The following MGAT4A variants were observed in gnomAD, a reference collection of about 807,000 sequenced individuals.
MGAT4A encodes the protein N-acetylglucosaminyltransferase IVa.
MGAT4A carries 33 observed loss-of-function variants against 74.1 expected under a neutral mutation model. The observed-to-expected ratio is 0.45, with a 90% CI of 0.34 to 0.60. The LOEUF (loss-of-function observed/expected upper bound fraction) is 0.60, where lower values mean the gene tolerates loss of function less well. MGAT4A is among the 20% of genes least tolerant of loss of function. The pLI, the probability that MGAT4A is intolerant of heterozygous loss-of-function variation, is 0.02. For missense variants in MGAT4A, 479 were observed against 628.3 expected (o/e 0.76, Z 2.54); for synonymous variants, 198 against 210.4 (o/e 0.94, Z 0.51).
Position 98,645,460 on chromosome 2 carries a change from A to G in MGAT4A, c.857T>C (p.Met286Thr), listed in dbSNP as rs778891454. Residue 286 changes from methionine (M) to threonine (T), a missense_variant, in exon 9 of 16, where the codon ATG becomes ACG. Physicochemically the swap from Met to Thr is moderately conservative, Grantham distance 81. This residue lies in a region of MGAT4A where 236 missense variants were observed against 308.2 expected (regional missense o/e 0.77). Transcript: ENST00000393487. ...FALQLSSEEW[M>T]ILEFSQLGFI... is the part of the protein sequence containing the mutation. Reference sequence around the variant, plus strand: ...GCCCAGCTGGGAAAACTCTAGAATCATCCATTCCTCAGAAGAAAGTTGAAG... The same window carrying G: ...GCCCAGCTGGGAAAACTCTAGAATCGTCCATTCCTCAGAAGAAAGTTGAAG... The G allele has an allele frequency of 6.3e-7, 1 of 1,590,966 alleles. No homozygotes were observed. The highest frequency in any genetic ancestry group is 8.5e-7 in the Non-Finnish European group (1 of 1,174,758).
At chr2:98,689,956 T>C (rs1324473874) in intron 2 of MGAT4A, among the ~76,000 whole-genome samples, 11 of 151,498 alleles carry the variant, frequency 7.3e-5, no homozygotes, top group Admixed American at 6.6e-4. Flanking sequence ...GCCTCATATA[T>C]CCTAGAATGG....
intron 2 of MGAT4A, among the ~76,000 whole-genome samples, chr2:98,692,746 AG>A (rs1311480720): frequency 5.3e-5 from 8 of 152,222 alleles, no homozygotes; most frequent in African/African-American, 1.7e-4. Context: ...TTTGTAGCCT[AG>A]GAGCAGTACG....
At chr2:98,648,112 A>AGT (rs1323994458) in intron 8 of MGAT4A, among the ~76,000 whole-genome samples, 1 of 151,194 alleles carries the variant, frequency 6.6e-6, no homozygotes, top group African/African-American at 2.4e-5. Flanking sequence ...GAACTCACTG[A>AGT]GAGAATTCCA....
chr2:98,652,423 C>T (rs941203825), intron 8 of MGAT4A, among the ~76,000 whole-genome samples: 5 of 150,984 alleles, frequency 3.3e-5, no homozygotes, highest in South Asian at 2.1e-4. Flanking sequence ...CTCCACCTCC[C>T]GGGTTCACGC....
intron 10 of MGAT4A, among the ~76,000 whole-genome samples, chr2:98,641,531 G>C (rs1204135260): frequency 2.0e-5 from 3 of 150,848 alleles, no homozygotes; most frequent in Non-Finnish European, 4.4e-5. Flanking sequence ...AATTAGCCGG[G>C]CGTGGTGGCG....
In MGAT4A at chr2:98,635,235, G is replaced by A; in HGVS notation, c.1455C>T (p.Gly485=). The A allele has an allele frequency of 1.2e-6, 2 of 1,608,148 alleles. No homozygotes were observed. The highest frequency in any genetic ancestry group is 8.5e-7 in the Non-Finnish European group (1 of 1,176,532). ...AGTAGATATTACCTATTCTGAAATA[G>A]CCATCTTCTAATCGTTTGTCTTTGG... The part of the protein sequence containing the change: ...KETKDKRLED[G]YFRIGKFENG... The change falls in exon 14 of 16, where the codon GGC becomes GGT. Residue 485 remains glycine (G), a synonymous_variant. Transcript: ENST00000393487.
chr2:98,719,056 T>G (rs1702629736), intron 2 of MGAT4A, among the ~76,000 whole-genome samples: 1 of 152,154 alleles, frequency 6.6e-6, no homozygotes. Flanking sequence ...TGGAGAATTT[T>G]GGGCTTGTGG....
intron 14 of MGAT4A, among the ~76,000 whole-genome samples, chr2:98,632,380 G>C (rs1331716496): frequency 6.6e-6 from 1 of 152,150 alleles, no homozygotes; most frequent in Non-Finnish European, 1.5e-5. Flanking sequence ...GGTGGGTAAG[G>C]GAACTTTTCC....
rs1178581319 is a variant in MGAT4A at position 98,667,703 on chromosome 2, T to TTGTTGC, written c.404-4525_404-4524insGCAACA. On this transcript the variant is annotated intron_variant, in intron 4 of 15. Transcript: ENST00000393487. ...TGTTAAAGGCATTCAGTTTTTGTTG[T>TTGTTGC]TGTTGTTGTTGTTGTTGTTGTTGTT... Among the ~76,000 whole-genome samples the TTGTTGC allele has an allele frequency of 1.4e-3, 210 of 149,916 alleles. 1 individual carries two copies. Among genetic ancestry groups the TTGTTGC allele is most frequent in the African/African-American group, 4.8e-3 (199 of 41,074 alleles).
chr2:98,711,421 C>T (rs911410431), intron 2 of MGAT4A, among the ~76,000 whole-genome samples: 11 of 151,796 alleles, frequency 7.2e-5, no homozygotes, highest in African/African-American at 2.2e-4. Context: ...TTTTATTTTC[C>T]AGCTTGATGA....
intron 2 of MGAT4A, among the ~76,000 whole-genome samples, chr2:98,680,524 ATCTC>A (rs879694016): frequency 7.9e-5 from 12 of 152,320 alleles, no homozygotes; most frequent in South Asian, 2.1e-4. Flanking sequence ...AGAAAAAAAT[ATCTC>A]TCTGTCTTAA....
At chr2:98,681,344 A>G (rs182099271) in intron 2 of MGAT4A, among the ~76,000 whole-genome samples, 3 of 152,312 alleles carry the variant, frequency 2.0e-5, no homozygotes, top group Admixed American at 2.0e-4. Context: ...ATATTTATCT[A>G]GAAGAATTAA....
intron 2 of MGAT4A, 64 bp from the exon 3 acceptor site, chr2:98,678,535 TG>T (rs1173494218): frequency 1.8e-6 from 2 of 1,106,746 alleles, no homozygotes; most frequent in Non-Finnish European, 2.4e-6. Context: ...ATAATCTCAA[TG>T]GAACTGTAAA....
intron 14 of MGAT4A, among the ~76,000 whole-genome samples, chr2:98,626,905 T>C (rs1003482564): frequency 6.6e-6 from 1 of 152,200 alleles, no homozygotes; most frequent in African/African-American, 2.4e-5. Context: ...AATACTGATA[T>C]CAATCCACAA....
In MGAT4A at chr2:98,624,264, G is replaced by A. The variant is rs545665301; in HGVS notation, c.*1302C>T. On this transcript the variant is annotated 3_prime_UTR_variant, in exon 16 of 16. Coordinates refer to ENST00000393487, the MANE Select transcript of MGAT4A (RefSeq NM_012214.3). The stretch of plus-strand genomic sequence containing the variant: ...CCTGACCTCGTGATCCGCCCGCCTC[G>A]GCCTCCCAAAGTGCTGGGATTACAG... 1.9e-3 allele frequency: 1,461 copies of A among 775,272 alleles called. 18 individuals are homozygous for A. In the African/African-American group the frequency reaches 0.023, roughly 12 times the overall value. The allele number at this position is 775,272 out of a possible 1,614,324, so 48.0% of individuals were successfully genotyped here.
intron 14 of MGAT4A, among the ~76,000 whole-genome samples, chr2:98,629,317 C>T (rs567540330): frequency 4.6e-5 from 7 of 152,230 alleles, no homozygotes; most frequent in Non-Finnish European, 1.0e-4. Flanking sequence ...AATGTTGAAC[C>T]TATGAGCCTC....
At position 98,645,459 on chromosome 2, in the gene MGAT4A, C is replaced by A. The variant is rs1701470253; in HGVS notation, c.858G>T (p.Met286Ile). ...FALQLSSEEW[M>I]ILEFSQLGFI... ...AGCCCAGCTGGGAAAACTCTAGAAT[C>A]ATCCATTCCTCAGAAGAAAGTTGAA... Residue 286 changes from methionine (M) to isoleucine (I), a missense_variant, in exon 9 of 16, where the codon ATG becomes ATT. Met to Ile is a conservative substitution (Grantham distance 10). Transcript: ENST00000393487. The A allele has an allele frequency of 1.9e-6, 3 of 1,589,096 alleles. No homozygotes were observed. Among genetic ancestry groups the A allele is most frequent in the Non-Finnish European group, 2.6e-6 (3 of 1,174,212 alleles).
chr2:98,712,799 T>C (rs1702535645), intron 2 of MGAT4A, among the ~76,000 whole-genome samples: 4 of 152,176 alleles, frequency 2.6e-5, no homozygotes, highest in Admixed American at 2.0e-4. Context: ...AAATGAATAC[T>C]GACTATAATT....
At chr2:98,691,464 C>T (rs560269737) in intron 2 of MGAT4A, among the ~76,000 whole-genome samples, 1 of 152,012 alleles carries the variant, frequency 6.6e-6, no homozygotes, top group South Asian at 2.1e-4. Flanking sequence ...TATAATAGAG[C>T]TGAAAAATTC....
Sources: allele counts gnomAD v4.1 joint callset (sites outside exome capture counted in the v4.1 genomes callset), GRCh38; gene constraint gnomAD v4.1.1; regional missense constraint gnomAD v4.1.1; transcripts MANE v1.5; gene names NCBI Gene and HGNC (gene_info 2026-07-23, HGNC 2026-07-21).